Variants in LOC128125822 observed in about 807,000 individuals in gnomAD.
the LOC128125822 span, among the ~76,000 whole-genome samples, chr6:63,577,439 A>C: frequency 1.3e-5 from 2 of 152,206 alleles, no homozygotes; most frequent in Non-Finnish European, 2.9e-5. Flanking sequence ...GCCTCTTTTT[A>C]CTAGGAGAAA....
the LOC128125822 span, chr6:63,582,076 A>C: frequency 6.6e-6 from 1 of 152,098 alleles, no homozygotes; most frequent in Non-Finnish European, 1.5e-5. Context: ...ATTTCATTGG[A>C]TTTTAGACAG....
At chr6:63,576,706 C>A in the LOC128125822 span, 3 of 613,706 alleles carry the variant, frequency 4.9e-6, no homozygotes, top group Non-Finnish European at 5.7e-6. Flanking sequence ...TGAAGAATTG[C>A]TGCTTCTTGT....
the LOC128125822 span, chr6:63,580,108 T>C: frequency 1.9e-6 from 3 of 1,613,660 alleles, no homozygotes; most frequent in South Asian, 3.3e-5. Flanking sequence ...TGGAGAAGTA[T>C]CGTCCTAAAA....
At chr6:63,576,282 C>A in the LOC128125822 span, among the ~76,000 whole-genome samples, 4 of 151,890 alleles carry the variant, frequency 2.6e-5, no homozygotes, top group African/African-American at 7.3e-5. Flanking sequence ...TGTACTCACC[C>A]CTTGAGTTTT....
chr6:63,578,814 A>G, the LOC128125822 span: 8 of 1,307,070 alleles, frequency 6.1e-6, no homozygotes, highest in Middle Eastern at 2.8e-4. Context: ...TGCTTTTGAA[A>G]ACATTTCCAT....
At chr6:63,577,271 G>T in the LOC128125822 span, among the ~76,000 whole-genome samples, 2 of 152,144 alleles carry the variant, frequency 1.3e-5, no homozygotes, top group Non-Finnish European at 2.9e-5. Context: ...ACATGGGAAA[G>T]GTTGCCATTT....
chr6:63,572,668 C>T, the LOC128125822 span: 2 of 410,046 alleles, frequency 4.9e-6, no homozygotes, highest in Non-Finnish European at 4.3e-6. Flanking sequence ...GCCGCCGCCT[C>T]GGGACCGGCT....
At chr6:63,576,981 T>C in the LOC128125822 span, 2 of 1,605,932 alleles carry the variant, frequency 1.2e-6, no homozygotes, top group African/African-American at 1.3e-5. Flanking sequence ...AACAAATTTA[T>C]AGAGGTAAGA....
chr6:63,576,682 C>A, the LOC128125822 span: 1 of 586,846 alleles, frequency 1.7e-6, no homozygotes, highest in Non-Finnish European at 3.0e-6. Context: ...CTGTTGGCCT[C>A]AGTATTACTG....
chr6:63,579,996 C>T, the LOC128125822 span: 2 of 1,226,892 alleles, frequency 1.6e-6, no homozygotes, highest in African/African-American at 1.5e-5. Flanking sequence ...GTCTATAAGA[C>T]ACTAAATATT....
At chr6:63,578,143 C>G in the LOC128125822 span, among the ~76,000 whole-genome samples, 1 of 152,142 alleles carries the variant, frequency 6.6e-6, no homozygotes. Context: ...ATTACCATGA[C>G]TGTAAACAAC....
chr6:63,581,982 CAA>C, the LOC128125822 span: 1 of 152,064 alleles, frequency 6.6e-6, no homozygotes, highest in East Asian at 1.9e-4. Flanking sequence ...GTAAAGGACT[CAA>C]AGTTTAAGTA....
At chr6:63,583,015 ATATC>A in the LOC128125822 span, 2 of 152,158 alleles carry the variant, frequency 1.3e-5, no homozygotes, top group African/African-American at 2.4e-5. Flanking sequence ...CATCTGGTAA[ATATC>A]TACTGTTTGC....
chr6:63,580,685 T>C, the LOC128125822 span: 1 of 152,848 alleles, frequency 6.5e-6, no homozygotes, highest in Non-Finnish European at 1.5e-5. Context: ...TGTTTACATC[T>C]CCCACATTCA....
chr6:63,574,127 T>C, the LOC128125822 span, among the ~76,000 whole-genome samples: 28 of 152,190 alleles, frequency 1.8e-4, 1 homozygote, highest in Admixed American at 3.9e-4. Context: ...AGTTGAAAAC[T>C]AGAAAACTAA....
the LOC128125822 span, chr6:63,578,324 A>G: frequency 5.1e-4 from 634 of 1,235,912 alleles, 2 homozygotes; most frequent in African/African-American, 8.8e-3. Context: ...CATTCTTTAA[A>G]TGATCTTCTG....
At chr6:63,572,930 C>T in the LOC128125822 span, among the ~76,000 whole-genome samples, 83 of 152,244 alleles carry the variant, frequency 5.5e-4, no homozygotes, top group African/African-American at 1.9e-3. Flanking sequence ...CCCCTCGGGG[C>T]TGCGGGGTGG....
At chr6:63,579,320 A>T in the LOC128125822 span, 1 of 1,601,936 alleles carries the variant, frequency 6.2e-7, no homozygotes, top group East Asian at 2.3e-5. Flanking sequence ...ATGCAGTACA[A>T]TTCATAAGAC....
chr6:63,576,299 C>A, the LOC128125822 span: 1 of 383,286 alleles, frequency 2.6e-6, no homozygotes, highest in African/African-American at 2.1e-5. Flanking sequence ...TTTTGCAATT[C>A]AAGTAAAAGT....
Sources: allele counts gnomAD v4.1 joint callset (sites outside exome capture counted in the v4.1 genomes callset), GRCh38; gene constraint gnomAD v4.1.1; transcripts MANE v1.5.